Variants in CDH15 observed in about 807,000 individuals in gnomAD.
CDH15 encodes cadherin-15.
A neutral mutation model predicts 69.4 loss-of-function variants in CDH15; 73 were observed. The observed-to-expected ratio is 1.05, with a 90% confidence interval of 0.87 to 1.28. The LOEUF is 1.28. CDH15 is among the 50% of genes most tolerant of loss of function. The probability of loss-of-function intolerance (pLI) is 0.00; values close to 1 mark genes in which losing one functional copy is unlikely to be tolerated. For missense variants in CDH15, 1,343 were observed against 1,133.6 expected (o/e 1.18, Z -2.65); for synonymous variants, 624 against 507.7 (o/e 1.23, Z -3.08).
At chr16:89,186,567 T>C (rs1244681697) in intron 5 of CDH15, among the ~76,000 whole-genome samples, 4 of 108,270 alleles carry the variant, frequency 3.7e-5, no homozygotes, top group African/African-American at 7.5e-5. Context: ...AGGTGCTCTG[T>C]GAACACCCAG....
intron 1 of CDH15, among the ~76,000 whole-genome samples, chr16:89,176,626 C>T (rs995884273): frequency 4.8e-5 from 7 of 146,672 alleles, no homozygotes; most frequent in East Asian, 2.2e-4. Flanking sequence ...GACTTGGTGC[C>T]GGCTGGGGAG....
At position 89,190,305 on chromosome 16, in the gene CDH15, G is replaced by A. The variant is rs777661940; in HGVS notation, c.1041G>A (p.Pro347=). The A allele has an allele frequency of 9.3e-6, 15 of 1,611,776 alleles. No individual in the cohort carries two copies. The highest frequency in any genetic ancestry group is 5.0e-5 in the Admixed American group (3 of 59,910). Residue 347 remains proline (P), a synonymous_variant, in exon 8 of 14, where the codon CCG becomes CCA. Coordinates refer to ENST00000289746, the MANE Select transcript of CDH15 (RefSeq NM_004933.3). ...AAGTGTCGGTGCAGAATGAGGCCCC[G>A]CTGCAGGCGGCTGCCCTTAGGGCTG... The part of the protein sequence containing the change: ...ELKVSVQNEA[P]LQAAALRAER...
At chr16:89,176,514 C>T (rs557149202) in intron 1 of CDH15, among the ~76,000 whole-genome samples, 14 of 152,284 alleles carry the variant, frequency 9.2e-5, no homozygotes, top group South Asian at 2.1e-4. Context: ...CGCAGGGTCC[C>T]GCTCACCAGG....
chr16:89,188,431 C>G, intron 7 of CDH15, 146 bp downstream of exon 7: 2 of 647,834 alleles, frequency 3.1e-6, no homozygotes, highest in African/African-American at 1.9e-5. Context: ...TGCCCACACA[C>G]AGATGCCGGC....
intron 3 of CDH15, 107 bp from the exon 4 acceptor site, chr16:89,183,441 T>C: frequency 7.6e-7 from 1 of 1,322,724 alleles, no homozygotes; most frequent in Non-Finnish European, 1.1e-6. Context: ...AGCTGGTGTT[T>C]CCAGCTGGAG....
At chr16:89,178,899 C>T (rs1204447118) in intron 1 of CDH15, among the ~76,000 whole-genome samples, 1 of 152,188 alleles carries the variant, frequency 6.6e-6, no homozygotes, top group Non-Finnish European at 1.5e-5. Flanking sequence ...CCACAGGCAC[C>T]GCCACTGGCT....
At chr16:89,185,141 C>A in intron 4 of CDH15, 32 bp from the exon 5 acceptor site, 1 of 1,566,146 alleles carries the variant, frequency 6.4e-7, no homozygotes, top group South Asian at 1.2e-5. Context: ...GCCCTGTGGA[C>A]GTTGGCCCTC....
At chr16:89,183,438 G>GT in intron 3 of CDH15, 110 bp from the exon 4 acceptor site, 1 of 1,290,786 alleles carries the variant, frequency 7.7e-7, no homozygotes, top group Non-Finnish European at 1.1e-6. Flanking sequence ...TTAAGCTGGT[G>GT]TTTCCAGCTG....
rs1915665539 is a variant in CDH15 at position 89,192,260 on chromosome 16, C to T, written c.1671C>T (p.Leu557=). ...AGGTCCCCGAAGGCCTGCACCGCCT[C>T]AGCCTGCTGCTCCGGGACTCGGGGC... ...RHQVPEGLHR[L]SLLLRDSGQP... is the part of the protein sequence containing the mutation. The change falls in exon 11 of 14, where the codon CTC becomes CTT. Residue 557 remains leucine, a synonymous_variant. Coordinates refer to ENST00000289746, the MANE Select transcript of CDH15 (RefSeq NM_004933.3). 6 of 1,530,814 alleles carry T rather than the reference C, an allele frequency of 3.9e-6. No individual in the cohort carries two copies. Among genetic ancestry groups the T allele is most frequent in the Non-Finnish European group, 5.2e-6 (6 of 1,145,234 alleles). 94.8% of individuals were successfully genotyped at this position (1,530,814 alleles called of 1,614,324 possible). A position where few individuals can be genotyped will look rare whatever the true frequency, so the allele number is the denominator to read the frequency against.
chr16:89,172,137 G>A (rs1915170587), intron 1 of CDH15, among the ~76,000 whole-genome samples: 1 of 152,108 alleles, frequency 6.6e-6, no homozygotes, highest in South Asian at 2.1e-4. Flanking sequence ...CCCCAGGCAG[G>A]GGCCACCCAG....
At position 89,190,486 on chromosome 16, in the gene CDH15, C is replaced by T. The variant is rs1487977733; in HGVS notation, c.1222C>T (p.Gln408Ter). The T allele has an allele frequency of 6.3e-7, 1 of 1,593,596 alleles. No individual in the cohort carries two copies. Among genetic ancestry groups the T allele is most frequent in the Non-Finnish European group, 8.5e-7 (1 of 1,171,234 alleles). ...SARDPDTEQLQRLSYSKDYDP... is the reference protein window; with the variant it reads ...SARDPDTEQL ...CCGGGACCCTGACACAGAGCAGCTG[C>T]AGAGGCTCAGGTGGGGCTCCTGAGG... Residue 408 changes from glutamine (Q) to a stop codon, truncating the protein, a stop_gained, in exon 8 of 14, where the codon CAG (glutamine) becomes TAG (stop). Coordinates refer to ENST00000289746, the MANE Select transcript of CDH15 (RefSeq NM_004933.3). LOFTEE classifies it high-confidence loss of function.
chr16:89,189,592 C>T (rs1249943382), intron 7 of CDH15, among the ~76,000 whole-genome samples: 1 of 152,386 alleles, frequency 6.6e-6, no homozygotes, highest in East Asian at 1.9e-4. Flanking sequence ...GGGACACCCT[C>T]CACCACTTTG....
chr16:89,188,718 AC>A (rs1915556733), intron 7 of CDH15, among the ~76,000 whole-genome samples: 1 of 145,640 alleles, frequency 6.9e-6, no homozygotes, highest in African/African-American at 2.5e-5. Context: ...GGCGGCACAC[AC>A]AGATGCCGGC....
chr16:89,171,828 C>T lies in CDH15; in HGVS notation c.-4C>T. ...ACTCCGGCCCGGCTCCCGCCTCGGC[C>T]CCGATGGACGCCGCGTTCCTCCTCG... On this transcript the variant is annotated 5_prime_UTR_variant, in exon 1 of 14. Coordinates refer to ENST00000289746, the MANE Select transcript of CDH15 (RefSeq NM_004933.3). 1 of 1,556,984 alleles carries T rather than the reference C, an allele frequency of 6.4e-7. No individual in the cohort carries two copies. The highest frequency in any genetic ancestry group is 8.7e-7 in the Non-Finnish European group (1 of 1,154,394).
chr16:89,191,587 G>A (rs1348907776), intron 9 of CDH15, 68 bp from the exon 10 acceptor site: 28 of 1,572,392 alleles, frequency 1.8e-5, no homozygotes, highest in East Asian at 9.4e-5. Flanking sequence ...CTGCGCACCC[G>A]CTCTGAGCCG....
At chr16:89,180,987 T>TTTTTTTTTTTTTTTTTTTTTG (rs1567771866) in intron 3 of CDH15, among the ~76,000 whole-genome samples, 1 of 149,784 alleles carries the variant, frequency 6.7e-6, no homozygotes, top group Non-Finnish European at 1.5e-5. Context: ...TTTTTTTTTT[T>TTTTTTTTTTTTTTTTTTTTTG]GAGATGGAGC....
intron 3 of CDH15, among the ~76,000 whole-genome samples, chr16:89,182,075 G>C (rs1915389192): frequency 6.8e-6 from 1 of 147,230 alleles, no homozygotes. Context: ...CTCCCTTCAG[G>C]CGCCTGCCCT....
chr16:89,194,976 C>G lies in CDH15; in HGVS notation c.2266C>G (p.Gln756Glu). Reference sequence around the variant, plus strand: ...GACGCTGAGCTCCATCCTGTCCAGCCAGGGCGATGAGGACCAGGACTACGA... The same window carrying G: ...GACGCTGAGCTCCATCCTGTCCAGCGAGGGCGATGAGGACCAGGACTACGA... ...AGTLSSILSS[Q>E]GDEDQDYDYL... Residue 756 changes from glutamine to glutamate, a missense_variant, in exon 14 of 14, where the codon CAG becomes GAG. By Grantham distance (29) the Gln-to-Glu change is conservative (BLOSUM62 2). Coordinates refer to ENST00000289746, the MANE Select transcript of CDH15 (RefSeq NM_004933.3). 12 of 1,611,236 alleles carry G rather than the reference C, an allele frequency of 7.4e-6. No individual in the cohort carries two copies. The highest frequency in any genetic ancestry group is 1.0e-5 in the Non-Finnish European group (12 of 1,179,362).
In CDH15 at chr16:89,191,815, C is replaced by G; in HGVS notation, c.1536C>G (p.Pro512=). 6.2e-7 allele frequency: 1 copy of G among 1,604,752 alleles called. No homozygotes were observed. Among genetic ancestry groups the G allele is most frequent in the Non-Finnish European group, 8.5e-7 (1 of 1,179,156 alleles). Residue 512 remains proline, a synonymous_variant, in exon 10 of 14, where the codon CCC becomes CCG. Transcript: ENST00000289746. ...GCGCCACGGATGAGGACCTGCCCCCCCACGGGGCCCCCTTCCACTTCCAGC... is the reference window on the plus strand; with the variant it reads ...GCGCCACGGATGAGGACCTGCCCCCGCACGGGGCCCCCTTCCACTTCCAGC... ...LLGATDEDLP[P]HGAPFHFQLS...
Sources: gnomAD v4.1 joint callset for allele counts (sites outside exome capture counted in the v4.1 genomes callset) on GRCh38, gnomAD v4.1.1 for gene constraint, MANE v1.5 for transcripts, NCBI Gene and HGNC (gene_info 2026-07-23, HGNC 2026-07-21) for gene names.